UBA5: variants seen among roughly 807,000 people sequenced by gnomAD.
UBA5 encodes the protein ubiquitin like modifier activating enzyme 5, also known as ubiquitin-like modifier-activating enzyme 5.
A neutral mutation model predicts 52.9 loss-of-function variants in UBA5; 28 were observed. The observed-to-expected ratio is 0.53, with a 90% CI of 0.39 to 0.73. The LOEUF (loss-of-function observed/expected upper bound fraction) is 0.73. Ranked by LOEUF, UBA5 falls within the 30% of genes least tolerant of loss-of-function variation. The pLI is 0.00. For synonymous variants in UBA5, 135 were observed against 162.1 expected (o/e 0.83, Z 1.27); for missense variants, 388 against 492.7 (o/e 0.79, Z 2.01).
chr3:132,663,896 A>G (rs1006269738), intron 1 of UBA5, among the ~76,000 whole-genome samples: 1 of 152,204 alleles, frequency 6.6e-6, no homozygotes, highest in Non-Finnish European at 1.5e-5. Context: ...TATTTAGATG[A>G]TCAGGAATTC....
At chr3:132,662,187 T>C (rs1039300765) in intron 1 of UBA5, among the ~76,000 whole-genome samples, 6 of 152,368 alleles carry the variant, frequency 3.9e-5, no homozygotes, top group Admixed American at 6.5e-5. Flanking sequence ...ATTTGCACCA[T>C]TGACTTTATT....
intron 5 of UBA5, chr3:132,670,760 AATG>A (rs1938565142): frequency 2.8e-6 from 1 of 363,536 alleles, no homozygotes; most frequent in Non-Finnish European, 4.9e-6. Flanking sequence ...GTAATACTAC[AATG>A]ATACTGTAGT....
chr3:132,673,809 C>G (rs1938711060), intron 8 of UBA5, among the ~76,000 whole-genome samples: 1 of 152,118 alleles, frequency 6.6e-6, no homozygotes, highest in East Asian at 1.9e-4. Context: ...TGACTACAAG[C>G]ACCCACCACC....
chr3:132,676,619 T>A lies in UBA5; in HGVS notation c.*93T>A. ...TAACTGATAAAACTTAGGGCAACAT[T>A]AATTAATGTATATTCTTACCTGAAT... On this transcript the variant is annotated 3_prime_UTR_variant, in exon 12 of 12. Coordinates refer to ENST00000356232, the MANE Select transcript of UBA5 (RefSeq NM_024818.6). The surrounding 1 kb of genome is among the most constrained non-coding windows in gnomAD (Gnocchi z 4.1). 2.4e-6 allele frequency: 2 copies of A among 835,778 alleles called. No homozygotes were observed. Among genetic ancestry groups the A allele is most frequent in the Non-Finnish European group, 1.9e-6 (1 of 520,678 alleles). 51.8% of individuals were successfully genotyped at this position (835,778 alleles called of 1,614,324 possible). A position where few individuals can be genotyped will look rare whatever the true frequency, so the allele number is the denominator to read the frequency against.
At chr3:132,665,563 G>T (rs1311338546) in intron 1 of UBA5, among the ~76,000 whole-genome samples, 1 of 151,984 alleles carries the variant, frequency 6.6e-6, no homozygotes. Flanking sequence ...AGTAGTAGTC[G>T]CAATCTTGGC....
chr3:132,663,136 A>G (rs1938237053), intron 1 of UBA5, among the ~76,000 whole-genome samples: 2 of 152,198 alleles, frequency 1.3e-5, no homozygotes, highest in South Asian at 4.1e-4. Flanking sequence ...ATAGATTCAG[A>G]GAAGTTTAAT....
Position 132,675,884 on chromosome 3 carries a change from A to G in UBA5, c.1092A>G (p.Leu364=), listed in dbSNP as rs769500265. 3 of 1,611,538 alleles carry G rather than the reference A, an allele frequency of 1.9e-6. No homozygotes were observed. Among genetic ancestry groups the G allele is most frequent in the Non-Finnish European group, 2.5e-6 (3 of 1,179,066 alleles). Residue 364 remains leucine, a synonymous_variant, in exon 11 of 12, where the codon TTA becomes TTG. Coordinates refer to ENST00000356232, the MANE Select transcript of UBA5 (RefSeq NM_024818.6). ...LKNFSGPVPD[L]PEGITVAYTI... ...ATTTTTCAGGTCCAGTTCCAGACTT[A>G]CCTGAAGGAATTACAGTGGCATACA... is the stretch of plus-strand genomic sequence containing the variant.
In UBA5 at chr3:132,670,945, A is replaced by G. The variant is rs778379222; in HGVS notation, c.495-20A>G. ...GTATTTTGTGTCCTGATGTTTTTCA[A>G]ACTTATTTTCTTTGACTAGTAATGG... is the stretch of plus-strand genomic sequence containing the variant. On this transcript the variant is annotated intron_variant, in intron 5 of 11. Transcript: ENST00000356232. The G allele has an allele frequency of 6.2e-7, 1 of 1,603,844 alleles. No homozygotes were observed. Among genetic ancestry groups the G allele is most frequent in the Admixed American group, 1.7e-5 (1 of 59,966 alleles).
At chr3:132,671,740 A>AT (rs778781211) in intron 6 of UBA5, 37 bp from the exon 7 acceptor site, 33 of 1,443,642 alleles carry the variant, frequency 2.3e-5, no homozygotes, top group Admixed American at 4.1e-5. Flanking sequence ...TTGCTCTTTT[A>AT]TTTTTTTTCC....
chr3:132,671,915 G>T, intron 7 of UBA5, 34 bp downstream of exon 7: 1 of 1,605,426 alleles, frequency 6.2e-7, no homozygotes, highest in African/African-American at 1.3e-5. Context: ...ATTCTTCACT[G>T]TTAGATACTT....
chr3:132,675,346 A>T lies in UBA5; in HGVS notation c.911A>T (p.Asp304Val). 6.2e-7 allele frequency: 1 copy of T among 1,613,728 alleles called. No individual in the cohort carries two copies. The highest frequency in any genetic ancestry group is 8.5e-7 in the Non-Finnish European group (1 of 1,179,824). ...TCCATGAAGCCAAATCCTCAGTGTG[A>T]TGACAGAAATTGCAGGAAGCAGCAG... ...TMSMKPNPQC[D>V]DRNCRKQQEE... The change falls in exon 9 of 12, where the codon GAT (aspartate) becomes GTT (valine). Residue 304 changes from aspartate to valine, a missense_variant. This residue lies in a region of UBA5 where 277 missense variants were observed against 326.4 expected (regional missense o/e 0.85). Transcript: ENST00000356232.
At chr3:132,668,689 T>G in intron 3 of UBA5, 129 bp from the exon 4 acceptor site, 1 of 567,080 alleles carries the variant, frequency 1.8e-6, no homozygotes, top group Non-Finnish European at 3.1e-6. Context: ...TGGCACCTAG[T>G]GTTGTAGAGT....
intron 1 of UBA5, among the ~76,000 whole-genome samples, chr3:132,665,329 A>G (rs965759656): frequency 2.0e-5 from 3 of 152,116 alleles, no homozygotes; most frequent in African/African-American, 7.2e-5. Context: ...CTTAAACTGC[A>G]GATTACCAGT....
chr3:132,679,402 T>C lies in UBA5; in HGVS notation c.*2876T>C, dbSNP rs772767296. Among the ~76,000 whole-genome samples the C allele has an allele frequency of 1.3e-5, 2 of 152,224 alleles. No homozygotes were observed. Among genetic ancestry groups the C allele is most frequent in the Non-Finnish European group, 2.9e-5 (2 of 68,038 alleles). On this transcript the variant is annotated 3_prime_UTR_variant, in exon 12 of 12. Transcript: ENST00000356232. The stretch of plus-strand genomic sequence containing the variant: ...ATTAATGTGAAGAAAATATTCCTAT[T>C]TGAGAACTTCAAATATGCATACACA...
In UBA5 at chr3:132,660,419, C is replaced by A; in HGVS notation, c.-119C>A. On this transcript the variant is annotated 5_prime_UTR_variant, in exon 1 of 12. Coordinates refer to ENST00000356232, the MANE Select transcript of UBA5 (RefSeq NM_024818.6). This position sits in a 1 kb window ranked among gnomAD's most constrained non-coding sequence, Gnocchi z 4.1. ...GGGTGCACGTCCCCAGGGCTCTGGG[C>A]TAGGAAGGCAGCGGCGAGGTGCCTC... The A allele has an allele frequency of 1.5e-6, 2 of 1,339,538 alleles. No individual in the cohort carries two copies. The highest frequency in any genetic ancestry group is 2.0e-6 in the Non-Finnish European group (2 of 984,540). The allele number at this position is 1,339,538 out of a possible 1,614,324, so 83.0% of individuals were successfully genotyped here.
chr3:132,656,851 T>G (rs115675377), upstream of UBA5, among the ~76,000 whole-genome samples: 1,623 of 100,994 alleles, frequency 0.016, 26 homozygotes, highest in African/African-American at 0.069. Flanking sequence ...ATTGTGTTGT[T>G]TTTTTTTTTT....
At chr3:132,673,237 TTAGC>T (rs1938681718) in intron 8 of UBA5, among the ~76,000 whole-genome samples, 1 of 152,224 alleles carries the variant, frequency 6.6e-6, no homozygotes. Context: ...TGTGTCCTAT[TTAGC>T]TAGCCCCTCT....
rs1054185497 is a variant in UBA5, at chr3:132,660,854, A to G, written c.161+156A>G. The G allele has an allele frequency of 1.4e-6, 2 of 1,451,302 alleles. No individual in the cohort carries two copies. The highest frequency in any genetic ancestry group is 2.9e-5 in the African/African-American group (2 of 69,966). 89.9% of individuals were successfully genotyped at this position (1,451,302 alleles called of 1,614,324 possible). ...TCCCAAATGGGCAAGGCCACATCTT[A>G]GTACTGATCGGAAGATATTCTTTCT... On this transcript the variant is annotated intron_variant, in intron 1 of 11. Coordinates refer to ENST00000356232, the MANE Select transcript of UBA5 (RefSeq NM_024818.6). The surrounding 1 kb of genome is among the most constrained non-coding windows in gnomAD (Gnocchi z 4.1).
chr3:132,659,648 C>T, upstream of UBA5: 1 of 1,611,620 alleles, frequency 6.2e-7, no homozygotes, highest in Non-Finnish European at 8.5e-7. Context: ...GGCCCCAAAG[C>T]CAGACAAGTG....
Sources: gnomAD v4.1 joint callset for allele counts (sites outside exome capture counted in the v4.1 genomes callset) on GRCh38, gnomAD v4.1.1 for gene constraint, gnomAD v4.1.1 regional missense constraint, Gnocchi (gnomAD v3.1) non-coding constraint, MANE v1.5 for transcripts, NCBI Gene and HGNC (gene_info 2026-07-23, HGNC 2026-07-21) for gene names.